Variants in ITSN1 observed in about 807,000 individuals in gnomAD.
ITSN1 encodes the protein intersectin-1.
ITSN1 carries 58 observed loss-of-function variants against 239.8 expected under a neutral mutation model. The ratio of observed to expected loss-of-function variants is 0.24; its 90% CI spans 0.20 to 0.30. ITSN1 has a LOEUF of 0.30. Ranked by LOEUF, ITSN1 falls within the 10% of genes least tolerant of loss-of-function variation. The pLI is 1.00. For synonymous variants in ITSN1, 780 were observed against 770.8 expected (o/e 1.01, Z -0.20); for missense variants, 1,558 against 2,103.3 (o/e 0.74, Z 5.07).
At chr21:33,815,171 C>G (rs1234107428) in intron 22 of ITSN1, among the ~76,000 whole-genome samples, 3 of 152,118 alleles carry the variant, frequency 2.0e-5, no homozygotes, top group African/African-American at 7.2e-5. Flanking sequence ...AGATTGGAGC[C>G]ATTCCCATAG....
intron 33 of ITSN1, among the ~76,000 whole-genome samples, chr21:33,874,581 C>T (rs1052875392): frequency 1.3e-5 from 2 of 151,988 alleles, no homozygotes; most frequent in Non-Finnish European, 2.9e-5. Context: ...GCCTGGGATG[C>T]CTGGGCTCTG....
rs1223964734 is a variant in ITSN1, at chr21:33,875,454, G to A, written c.4274G>A (p.Arg1425Gln). Residue 1425 changes from arginine (R) to glutamine (Q), a missense_variant, in exon 34 of 40, where the codon CGG (arginine) becomes CAG (glutamine). This residue lies in a region of ITSN1 where 576 missense variants were observed against 893.3 expected (regional missense o/e 0.64). Transcript: ENST00000381318. ...ELCSQVNEGV[R>Q]EKENSDRLEW... is the part of the protein sequence containing the mutation. ...TGTTCCCAGGTGAACGAAGGGGTGC[G>A]GGAGAAGGAGAACTCTGACCGGCTG... is the stretch of plus-strand genomic sequence containing the variant. The A allele has an allele frequency of 2.5e-6, 4 of 1,614,034 alleles. No individual in the cohort carries two copies. Among genetic ancestry groups the A allele is most frequent in the African/African-American group, 1.3e-5 (1 of 74,916 alleles).
chr21:33,793,229 T>G (rs1156925458), intron 16 of ITSN1, among the ~76,000 whole-genome samples: 1 of 152,144 alleles, frequency 6.6e-6, no homozygotes, highest in Non-Finnish European at 1.5e-5. Context: ...AATCTAAAGG[T>G]AGGAATTTTA....
At chr21:33,842,882 G>A (rs1443406345) in intron 29 of ITSN1, among the ~76,000 whole-genome samples, 1 of 152,092 alleles carries the variant, frequency 6.6e-6, no homozygotes, top group Non-Finnish European at 1.5e-5. Context: ...CTCAGTGAGA[G>A]GATGAAACCC....
chr21:33,711,142 A>AT (rs2092403607), intron 1 of ITSN1, among the ~76,000 whole-genome samples: 1 of 152,208 alleles, frequency 6.6e-6, no homozygotes, highest in Non-Finnish European at 1.5e-5. Context: ...TCTCGTATCA[A>AT]TTTTAGTAAG....
In ITSN1 at chr21:33,721,306, C is replaced by T. The variant is rs373734001; in HGVS notation, c.121+36C>T. ...TCAGCATTTTTTCATTTTTACTTAT[C>T]AGTAGTGCAGATGTCTGTGGAAACT... On this transcript the variant is annotated intron_variant, in intron 3 of 39. Coordinates refer to ENST00000381318, the MANE Select transcript of ITSN1 (RefSeq NM_003024.3). 2.0e-4 allele frequency: 260 copies of T among 1,282,184 alleles called. 1 individual carries two copies. Among genetic ancestry groups the T allele is most frequent in the Non-Finnish European group, 2.6e-4 (227 of 878,680 alleles). 79.4% of individuals were successfully genotyped at this position (1,282,184 alleles called of 1,614,324 possible). A position where few individuals can be genotyped will look rare whatever the true frequency, so the allele number is the denominator to read the frequency against.
chr21:33,681,606 T>C (rs1481448305), intron 1 of ITSN1, among the ~76,000 whole-genome samples: 2 of 147,416 alleles, frequency 1.4e-5, no homozygotes, highest in Non-Finnish European at 3.0e-5. Context: ...TCCGCTTAGT[T>C]TGGAACCAGT....
At chr21:33,648,306 A>T (rs1261572969) in intron 1 of ITSN1, among the ~76,000 whole-genome samples, 1 of 152,232 alleles carries the variant, frequency 6.6e-6, no homozygotes, top group African/African-American at 2.4e-5. Context: ...CATCTTACAG[A>T]TGCCTTGGAA....
chr21:33,850,753 G>A (rs961666012), intron 29 of ITSN1, among the ~76,000 whole-genome samples: 6 of 152,022 alleles, frequency 3.9e-5, no homozygotes, highest in African/African-American at 1.4e-4. Flanking sequence ...TCATATCCAT[G>A]TGGCTTCATC....
intron 3 of ITSN1, 43 bp downstream of exon 3, chr21:33,721,313 G>T (rs1441391344): frequency 1.6e-6 from 2 of 1,219,902 alleles, no homozygotes; most frequent in Admixed American, 1.7e-5. Context: ...TATCAGTAGT[G>T]CAGATGTCTG....
chr21:33,807,305 TTA>T lies in ITSN1; in HGVS notation c.2320-3669_2320-3668del, dbSNP rs540390076. ...TGAGGACAGGCTGGGTGTTATCAGT[TTA>T]CTGGAGGGGGAGGACATTTCCCCAG... On this transcript the variant is annotated intron_variant, in intron 20 of 39. Transcript: ENST00000381318. Among the ~76,000 whole-genome samples, 302 of 152,252 alleles carry T rather than the reference TTA, an allele frequency of 2.0e-3. 1 individual carries two copies. Among genetic ancestry groups the T allele is most frequent in the African/African-American group, 6.9e-3 (288 of 41,532 alleles).
At chr21:33,777,831 C>G (rs370455700) in intron 14 of ITSN1, among the ~76,000 whole-genome samples, 1 of 152,150 alleles carries the variant, frequency 6.6e-6, no homozygotes, top group Non-Finnish European at 1.5e-5. Flanking sequence ...CCAGAACCTC[C>G]CATACTATAT....
At chr21:33,672,061 AT>A (rs1310671328) in intron 1 of ITSN1, among the ~76,000 whole-genome samples, 1 of 152,026 alleles carries the variant, frequency 6.6e-6, no homozygotes, top group Admixed American at 6.6e-5. Context: ...CCTGACCAAC[AT>A]GGAGAAACTC....
At chr21:33,833,553 A>C (rs1178950338) in intron 27 of ITSN1, among the ~76,000 whole-genome samples, 4 of 152,222 alleles carry the variant, frequency 2.6e-5, no homozygotes, top group African/African-American at 7.2e-5. Flanking sequence ...GCATAAATGC[A>C]CAGGGCCTGG....
intron 1 of ITSN1, among the ~76,000 whole-genome samples, chr21:33,672,578 C>A (rs2090352472): frequency 6.6e-6 from 1 of 152,258 alleles, no homozygotes; most frequent in African/African-American, 2.4e-5. Context: ...GGAAATTCCT[C>A]AGAACATTAA....
chr21:33,846,899 A>G (rs370864366), intron 29 of ITSN1, among the ~76,000 whole-genome samples: 2 of 152,238 alleles, frequency 1.3e-5, no homozygotes, highest in South Asian at 2.1e-4. Context: ...CTTATGAAGC[A>G]TAAGGATTGT....
At position 33,794,027 on chromosome 21, in the gene ITSN1, C is replaced by T. The variant is rs144865073; in HGVS notation, c.1825-314C>T. Among the ~76,000 whole-genome samples, 75 of 152,284 alleles carry T rather than the reference C, an allele frequency of 4.9e-4. 1 individual carries two copies. Among genetic ancestry groups the T allele is most frequent in the African/African-American group, 1.6e-3 (66 of 41,560 alleles). On this transcript the variant is annotated intron_variant, in intron 16 of 39. Coordinates refer to ENST00000381318, the MANE Select transcript of ITSN1 (RefSeq NM_003024.3). ...CATCGTCATATCTTGGAACTGGTTA[C>T]GTTCCATTATGATTGCTGAGCCTTT...
At chr21:33,841,284 A>G (rs749209140) in intron 29 of ITSN1, among the ~76,000 whole-genome samples, 4 of 152,220 alleles carry the variant, frequency 2.6e-5, no homozygotes, top group Non-Finnish European at 4.4e-5. Flanking sequence ...AACCCTCTAA[A>G]TATTAGGTTT....
Position 33,856,835 on chromosome 21 carries a change from A to G in ITSN1, c.3761A>G (p.Asn1254Ser). 8 of 1,613,608 alleles carry G rather than the reference A, an allele frequency of 5.0e-6. No homozygotes were observed. Among genetic ancestry groups the G allele is most frequent in the Non-Finnish European group, 5.9e-6 (7 of 1,179,704 alleles). ...ATTGTCACCGAGGAGAACTATGTGA[A>G]TGACCTGCAGCTGGTCACAGAGGTA... Reference protein sequence around the residue: ...ELIVTEENYVNDLQLVTEIFQ... With the variant: ...ELIVTEENYVSDLQLVTEIFQ... The change falls in exon 30 of 40, where the codon AAT (asparagine) becomes AGT (serine). Residue 1254 changes from asparagine to serine, a missense_variant. Around this residue, in one of 2 missense-constraint regions of ITSN1, gnomAD observed 576 missense variants for 893.3 expected, o/e 0.64. Transcript: ENST00000381318.
Sources: allele counts gnomAD v4.1 joint callset (sites outside exome capture counted in the v4.1 genomes callset), GRCh38; gene constraint gnomAD v4.1.1; regional missense constraint gnomAD v4.1.1; transcripts MANE v1.5; gene names NCBI Gene and HGNC (gene_info 2026-07-23, HGNC 2026-07-21).